Variants in RYR1 observed in about 807,000 individuals in gnomAD.
The protein encoded by RYR1 is central core disease of muscle.
Under a neutral mutation model 583.5 loss-of-function variants are expected in RYR1, and 342 were observed. That is an observed-to-expected ratio of 0.59 (90% CI 0.54 to 0.64). The LOEUF is 0.64. Ranked by LOEUF, RYR1 falls within the 30% of genes least tolerant of loss-of-function variation. The pLI, the probability that RYR1 is intolerant of heterozygous loss-of-function variation, is 0.00. For missense variants in RYR1, 6,032 were observed against 6,917.2 expected, an observed-to-expected ratio of 0.87 and a Z score of 4.54; for synonymous variants, 2,791 against 2,822.5, an observed-to-expected ratio of 0.99 and a Z score of 0.35.
At chr19:38,452,751 G>GGTTGCGGCAGTGAA in intron 12 of RYR1, 68 bp from the exon 13 acceptor site, 1 of 1,425,648 alleles carries the variant, frequency 7.0e-7, no homozygotes, top group Non-Finnish European at 9.5e-7. Context: ...GCGGGAGTGA[G>GGTTGCGGCAGTGAA]GTTGCGGCAG....
chr19:38,550,572 A>C (rs972304118), intron 89 of RYR1, among the ~76,000 whole-genome samples: 4 of 152,022 alleles, frequency 2.6e-5, no homozygotes, highest in African/African-American at 7.2e-5. Context: ...GTGCAGTCAA[A>C]CAATCCTAGC....
intron 16 of RYR1, among the ~76,000 whole-genome samples, chr19:38,457,182 T>C (rs894515424): frequency 3.9e-5 from 6 of 152,068 alleles, no homozygotes; most frequent in Admixed American, 3.3e-4. Flanking sequence ...TCTTGATTCC[T>C]GTGTCTCTCA....
chr19:38,585,747 T>G (rs1006196604), intron 102 of RYR1, among the ~76,000 whole-genome samples, 191 bp from the exon 103 acceptor site: 9 of 151,922 alleles, frequency 5.9e-5, no homozygotes, highest in Non-Finnish European at 1.0e-4. Context: ...CCTCCCAAAG[T>G]ACTGGGATTA....
chr19:38,585,630 C>T (rs533946113), intron 102 of RYR1, among the ~76,000 whole-genome samples: 74 of 151,708 alleles, frequency 4.9e-4, no homozygotes, highest in African/African-American at 1.7e-3. Flanking sequence ...CATGCTACCA[C>T]ACCCAGCTAA....
rs78625999 is a variant in RYR1 at position 38,442,186 on chromosome 19, G to C, written c.166-163G>C. Among the ~76,000 whole-genome samples the C allele has an allele frequency of 0.037, 5,503 of 149,130 alleles. 167 individuals are homozygous for C. Among genetic ancestry groups the C allele is most frequent in the African/African-American group, 0.086 (3,469 of 40,282 alleles). ...CGTGATGTTGGTCTAGATTCAGTGTGTCTGAGGGGGATGGCAGAGGGCAGG... is the reference window on the plus strand; with the variant it reads ...CGTGATGTTGGTCTAGATTCAGTGTCTCTGAGGGGGATGGCAGAGGGCAGG... On this transcript the variant is annotated intron_variant, in intron 2 of 105. Coordinates refer to ENST00000359596, the MANE Select transcript of RYR1 (RefSeq NM_000540.3).
Position 38,464,278 on chromosome 19 carries a change from GAAAAAAAAAAAAA to G in RYR1, c.2787-342_2787-330del, listed in dbSNP as rs547288253. ...GGCGACAGAGCGAGACACCGTTTCA[GAAAAAAAAAAAAA>G]AAAAAAAAAAAAAAAAAAGAAGCAA... On this transcript the variant is annotated intron_variant, in intron 22 of 105. Transcript: ENST00000359596. Among the ~76,000 whole-genome samples, 560 of 64,272 alleles carry G rather than the reference GAAAAAAAAAAAAA, an allele frequency of 8.7e-3. 8 individuals are homozygous for G. The highest frequency in any genetic ancestry group is 0.033 in the African/African-American group (491 of 14,744). 42.2% of individuals were successfully genotyped at this position (64,272 alleles called of 152,430 possible). A position where few individuals can be genotyped will look rare whatever the true frequency, so the allele number is the denominator to read the frequency against.
intron 70 of RYR1, among the ~76,000 whole-genome samples, chr19:38,524,442 C>T (rs1332612532): frequency 6.6e-6 from 1 of 152,160 alleles, no homozygotes; most frequent in South Asian, 2.1e-4. Flanking sequence ...GCCAGCAGCC[C>T]CCACCCCAGG....
chr19:38,480,983 C>A (rs1320326970), intron 31 of RYR1, among the ~76,000 whole-genome samples: 1 of 152,082 alleles, frequency 6.6e-6, no homozygotes, highest in Non-Finnish European at 1.5e-5. Context: ...CTGCCTTGGC[C>A]TCCCAAAGTG....
rs780420237 is a variant in RYR1, at chr19:38,483,348, A to C, written c.4766A>C (p.Gln1589Pro). 2 of 1,561,364 alleles carry C rather than the reference A, an allele frequency of 1.3e-6. No homozygotes were observed. The highest frequency in any genetic ancestry group is 1.7e-6 in the Non-Finnish European group (2 of 1,152,920). Residue 1589 changes from glutamine to proline, a missense_variant, in exon 33 of 106, where the codon CAG becomes CCG. By Grantham distance (76) the Gln-to-Pro change is moderately conservative. This residue lies in a region of RYR1 where 2,627 missense variants were observed against 2,961.3 expected (regional missense o/e 0.89). Transcript: ENST00000359596. This position sits in a 1 kb window ranked among gnomAD's most constrained non-coding sequence, Gnocchi z 6.3. ...FQSERKNPAP[Q>P]CPPRLEMQML... is the part of the protein sequence containing the mutation. ...AGCGAGCGCAAGAACCCGGCCCCGC[A>C]GTGCCCACCGCGGCTGGAGATGCAG...
intron 58 of RYR1, among the ~76,000 whole-genome samples, chr19:38,509,861 T>C (rs534939924): frequency 6.6e-6 from 1 of 152,378 alleles, no homozygotes; most frequent in East Asian, 1.9e-4. Flanking sequence ...ATTGACTTCT[T>C]GTTTCATTTG....
Position 38,446,487 on chromosome 19 carries a change from G to A in RYR1, c.647G>A (p.Gly216Asp). 6.2e-7 allele frequency: 1 copy of A among 1,614,088 alleles called. No individual in the cohort carries two copies. ...SRCEEGFVTGGHVLRLFHGHM... is the reference protein window; with the variant it reads ...SRCEEGFVTGDHVLRLFHGHM... ...TCCTCTCCAGGCTTCGTGACGGGAGGTCACGTCCTCCGCCTCTTTCATGGA... is the reference window on the plus strand; with the variant it reads ...TCCTCTCCAGGCTTCGTGACGGGAGATCACGTCCTCCGCCTCTTTCATGGA... The change falls in exon 8 of 106, where the codon GGT becomes GAT. Residue 216 changes from glycine to aspartate, a missense_variant. This residue lies in a region of RYR1 where 338 missense variants were observed against 441.6 expected (regional missense o/e 0.77). Coordinates refer to ENST00000359596, the MANE Select transcript of RYR1 (RefSeq NM_000540.3).
chr19:38,486,109 G>C lies in RYR1; in HGVS notation c.5454G>C (p.Ala1818=), dbSNP rs773985391. 1.2e-6 allele frequency: 2 copies of C among 1,612,896 alleles called. No homozygotes were observed. Among genetic ancestry groups the C allele is most frequent in the South Asian group, 2.2e-5 (2 of 91,014 alleles). Residue 1818 remains alanine (A), a synonymous_variant, in exon 34 of 106, where the codon GCG becomes GCC. Coordinates refer to ENST00000359596, the MANE Select transcript of RYR1 (RefSeq NM_000540.3). The part of the protein sequence containing the change: ...RDKALRMLGE[A]VRDGGQHARD... ...AGGCACTGAGGATGCTGGGGGAGGC[G>C]GTGCGCGACGGTGGGCAGCACGCTC...
rs1230243590 is a variant in RYR1, at chr19:38,452,891, C to T, written c.1317C>T (p.Gly439=). 4 of 1,612,724 alleles carry T rather than the reference C, an allele frequency of 2.5e-6. No individual in the cohort carries two copies. The highest frequency in any genetic ancestry group is 2.5e-6 in the Non-Finnish European group (3 of 1,179,470). ...PPAGTALPIE[G]VILSLQDLII... ...CTGGCACGGCGCTGCCCATCGAGGG[C>T]GTTATCCTGAGCCTGCAGGACCTCA... Residue 439 remains glycine (G), a synonymous_variant, in exon 13 of 106, where the codon GGC becomes GGT. Transcript: ENST00000359596.
intron 47 of RYR1, 39 bp from the exon 48 acceptor site, chr19:38,502,468 G>A (rs374807035): frequency 6.4e-7 from 1 of 1,568,886 alleles, no homozygotes; most frequent in African/African-American, 1.4e-5. Context: ...CAGCCCCAGG[G>A]GTGTGCAGCG....
chr19:38,551,272 C>T (rs1419970557), intron 89 of RYR1, among the ~76,000 whole-genome samples: 2 of 151,554 alleles, frequency 1.3e-5, no homozygotes, highest in African/African-American at 4.8e-5. Context: ...GTCTCGAACT[C>T]CCGACCTCAA....
chr19:38,527,803 G>C lies in RYR1; in HGVS notation c.10824+19G>C. The C allele has an allele frequency of 1.9e-6, 3 of 1,613,448 alleles. No individual in the cohort carries two copies. The highest frequency in any genetic ancestry group is 2.5e-6 in the Non-Finnish European group (3 of 1,179,686). ...GGACCAGGTGGGTGGGGCCGGAGGG[G>C]TCTTTCTACTGGGTCTCTGGGCGGA... On this transcript the variant is annotated intron_variant, in intron 73 of 105. Coordinates refer to ENST00000359596, the MANE Select transcript of RYR1 (RefSeq NM_000540.3).
chr19:38,464,642 T>C lies in RYR1; in HGVS notation c.2790T>C (p.Thr930=). The change falls in exon 23 of 106, where the codon ACT becomes ACC. Residue 930 remains threonine, a synonymous_variant. Transcript: ENST00000359596. The stretch of plus-strand genomic sequence containing the variant: ...GCCTCCACTCCCCCACCCCCAGGAC[T>C]CTGCTGGCTCTGGGCTGCCACGTGG... ...NLQMSGETLK[T]LLALGCHVGM... is the part of the protein sequence containing the mutation. 1.3e-6 allele frequency: 2 copies of C among 1,580,766 alleles called. No homozygotes were observed. Among genetic ancestry groups the C allele is most frequent in the Non-Finnish European group, 8.6e-7 (1 of 1,163,138 alleles).
Position 38,494,343 on chromosome 19 carries a change from C to A in RYR1, c.6275-9C>A. ...TGGTGCTCCAAGCCTTGCATTGTCT[C>A]CTTCCCAGGGTCCCTGCAGGAGCTG... On this transcript the variant is annotated splice_polypyrimidine_tract_variant and intron_variant, in intron 38 of 105. Transcript: ENST00000359596. The A allele has an allele frequency of 6.2e-7, 1 of 1,611,268 alleles. No individual in the cohort carries two copies. Among genetic ancestry groups the A allele is most frequent in the Non-Finnish European group, 8.5e-7 (1 of 1,179,890 alleles).
chr19:38,457,946 T>C, intron 17 of RYR1, 105 bp from the exon 18 acceptor site: 1 of 1,194,916 alleles, frequency 8.4e-7, no homozygotes, highest in East Asian at 2.3e-5. Context: ...CTCTCCCATC[T>C]CTCTCTCTCT....
Sources: allele counts gnomAD v4.1 joint callset (sites outside exome capture counted in the v4.1 genomes callset), GRCh38; gene constraint gnomAD v4.1.1; regional missense constraint gnomAD v4.1.1; non-coding constraint Gnocchi (gnomAD v3.1); transcripts MANE v1.5; gene names NCBI Gene and HGNC (gene_info 2026-07-23, HGNC 2026-07-21).